ZNF782: variants seen among roughly 807,000 people sequenced by gnomAD.
ZNF782 encodes the protein zinc finger protein 782.
ZNF782 carries 12 observed loss-of-function variants against 13.0 expected under a neutral mutation model. The ratio of observed to expected loss-of-function variants is 0.92; its 90% CI spans 0.59 to 1.50. The LOEUF is 1.50. Ranked by LOEUF, ZNF782 falls within the 40% of genes most tolerant of loss-of-function variation. The probability of loss-of-function intolerance (pLI) is 0.00; values close to 1 mark genes in which losing one functional copy is unlikely to be tolerated. For missense variants in ZNF782, 770 were observed against 822.9 expected (o/e 0.94, Z 0.79); for synonymous variants, 284 against 283.0 (o/e 1.00, Z -0.04).
chr9:96,889,365 T>C, the ZNF782 span: 16 of 152,294 alleles, frequency 1.1e-4, no homozygotes, highest in African/African-American at 3.6e-4. Context: ...CAAGTCAGGT[T>C]GTTAATAATA....
chr9:96,885,066 T>C, the ZNF782 span, among the ~76,000 whole-genome samples: 1 of 151,692 alleles, frequency 6.6e-6, no homozygotes, highest in Non-Finnish European at 1.5e-5. Context: ...AAAGATTAAA[T>C]AGAATTCACA....
At chr9:96,826,496 A>G (rs545070170) in intron 5 of ZNF782, among the ~76,000 whole-genome samples, 49 of 152,232 alleles carry the variant, frequency 3.2e-4, no homozygotes, top group Non-Finnish European at 5.6e-4. Context: ...ACATGTATAC[A>G]TATGTACTAA....
chr9:96,820,211 G>T (rs543881880), intron 5 of ZNF782, among the ~76,000 whole-genome samples: 1 of 152,192 alleles, frequency 6.6e-6, no homozygotes, highest in East Asian at 1.9e-4. Context: ...AGGGTTTGCC[G>T]TAGGGAGTAA....
chr9:96,886,749 C>T, the ZNF782 span, among the ~76,000 whole-genome samples: 1 of 151,870 alleles, frequency 6.6e-6, no homozygotes, highest in African/African-American at 2.4e-5. Flanking sequence ...ATGGAGAAAC[C>T]TCATCTCTAC....
At chr9:96,878,377 C>T (rs899067217), upstream of ZNF782, among the ~76,000 whole-genome samples, 12 of 152,198 alleles carry the variant, frequency 7.9e-5, no homozygotes, top group African/African-American at 2.4e-4. Flanking sequence ...AAAGTAAATA[C>T]ATTTAAACGT....
At chr9:96,882,351 G>A in the ZNF782 span, among the ~76,000 whole-genome samples, 1 of 152,096 alleles carries the variant, frequency 6.6e-6, no homozygotes, top group Admixed American at 6.6e-5. Context: ...GCAGCCATTG[G>A]CCAGTACATT....
chr9:96,896,604 T>C, the ZNF782 span, among the ~76,000 whole-genome samples: 3 of 152,184 alleles, frequency 2.0e-5, no homozygotes, highest in African/African-American at 4.8e-5. Flanking sequence ...AAAAGAGGCA[T>C]AACACCATTA....
At chr9:96,851,411 TC>T (rs1851482110) in intron 3 of ZNF782, among the ~76,000 whole-genome samples, 1 of 152,208 alleles carries the variant, frequency 6.6e-6, no homozygotes, top group African/African-American at 2.4e-5. Flanking sequence ...TTCTCATTTT[TC>T]TAAATTATTA....
the ZNF782 span, chr9:96,889,730 T>C: frequency 6.6e-6 from 1 of 152,194 alleles, no homozygotes; most frequent in Non-Finnish European, 1.5e-5. Context: ...AGAGTACTTA[T>C]TAATTTCATC....
chr9:96,899,610 C>A, the ZNF782 span, among the ~76,000 whole-genome samples: 2 of 152,168 alleles, frequency 1.3e-5, no homozygotes, highest in Non-Finnish European at 2.9e-5. Flanking sequence ...TAAGGGACTG[C>A]CTCTGGTATT....
upstream of ZNF782, chr9:96,854,533 G>A (rs1283261344): frequency 6.6e-6 from 1 of 152,400 alleles, no homozygotes; most frequent in African/African-American, 2.4e-5. Context: ...AGGCGCAGAA[G>A]GAGCCCAGGA....
intron 1 of ZNF782, among the ~76,000 whole-genome samples, chr9:96,853,663 T>A (rs1851570874): frequency 6.6e-6 from 1 of 152,210 alleles, no homozygotes; most frequent in Non-Finnish European, 1.5e-5. Flanking sequence ...TCCATCTACA[T>A]CCACTCCCTG....
chr9:96,818,069 C>T lies in ZNF782; in HGVS notation c.1954G>A (p.Gly652Arg), dbSNP rs754068425. 1 of 1,613,952 alleles carries T rather than the reference C, an allele frequency of 6.2e-7. No individual in the cohort carries two copies. Among genetic ancestry groups the T allele is most frequent in the African/African-American group, 1.3e-5 (1 of 74,954 alleles). The change falls in exon 6 of 6, where the codon GGG becomes AGG. Residue 652 changes from glycine (G) to arginine (R), a missense_variant. Transcript: ENST00000481138. ...GEKPYNCNQC[G>R]EAFSQKSNLR... ...TTGGATTTCTGACTGAAAGCTTCCCCACACTGATTACAATTATATGGTTTC... is the reference window on the plus strand; with the variant it reads ...TTGGATTTCTGACTGAAAGCTTCCCTACACTGATTACAATTATATGGTTTC...
At chr9:96,875,401 G>A (rs1851880738) in intron 1 of ZNF782, 1 of 449,170 alleles carries the variant, frequency 2.2e-6, no homozygotes, top group East Asian at 7.0e-5. Flanking sequence ...CCATGAAGCA[G>A]GCATTAACAC....
the ZNF782 span, among the ~76,000 whole-genome samples, chr9:96,920,645 A>G: frequency 2.7e-5 from 4 of 149,200 alleles, no homozygotes; most frequent in South Asian, 2.2e-4. Flanking sequence ...GGCTGGGCAC[A>G]GTGGCTCACG....
the ZNF782 span, chr9:96,931,900 G>A: frequency 8.1e-6 from 13 of 1,612,120 alleles, no homozygotes; most frequent in African/African-American, 1.5e-4. Context: ...CCCCTCTAGT[G>A]GCAGGACAGG....
chr9:96,882,017 G>GTGTA, the ZNF782 span, among the ~76,000 whole-genome samples: 47 of 140,946 alleles, frequency 3.3e-4, no homozygotes, highest in South Asian at 0.01. Context: ...GTGTGTGTGT[G>GTGTA]TATACTCATT....
chr9:96,912,198 G>GAAAA, the ZNF782 span, among the ~76,000 whole-genome samples: 11 of 56,596 alleles, frequency 1.9e-4, no homozygotes, highest in Admixed American at 6.7e-4. Context: ...ACTCCGTCTC[G>GAAAA]AAAAAAAAAA....
chr9:96,880,769 T>TTGATATCAGCATAATGTTGGCTTTTA, the ZNF782 span, among the ~76,000 whole-genome samples: 15 of 152,188 alleles, frequency 9.9e-5, no homozygotes, highest in Admixed American at 9.8e-4. Flanking sequence ...GTCTTTGGCT[T>TTGATATCAGCATAATGTTGGCTTTTA]TGATATCAGC....
Sources: allele counts gnomAD v4.1 joint callset (sites outside exome capture counted in the v4.1 genomes callset), GRCh38; gene constraint gnomAD v4.1.1; transcripts MANE v1.5; gene names NCBI Gene and HGNC (gene_info 2026-07-23, HGNC 2026-07-21).